The following PPP6R3 variants were observed in gnomAD, a reference collection of about 807,000 sequenced individuals.
The protein encoded by PPP6R3 is protein phosphatase 6 regulatory subunit 3.
A neutral mutation model predicts 110.7 loss-of-function variants in PPP6R3; 38 were observed. The ratio of observed to expected loss-of-function variants is 0.34; its 90% confidence interval spans 0.26 to 0.45. The LOEUF is 0.45. Ranked by LOEUF, PPP6R3 falls within the 20% of genes least tolerant of loss-of-function variation. The pLI is 1.00. For synonymous variants in PPP6R3, 369 were observed against 373.5 expected, an observed-to-expected ratio of 0.99 and a Z score of 0.14; for missense variants, 870 against 1,062.4, an observed-to-expected ratio of 0.82 and a Z score of 2.52.
Position 68,554,158 on chromosome 11 carries a change from C to G in PPP6R3, c.632C>G (p.Ala211Gly). Reference protein sequence around the residue: ...PSQEEDRHSNASQSLCEIVRL... With the variant: ...PSQEEDRHSNGSQSLCEIVRL... ...TTTTTCCTTTAGCGACATTCAAATG[C>G]ATCACAATCACTTTGTGAAATTGTT... The change falls in exon 7 of 24, where the codon GCA becomes GGA. Residue 211 changes from alanine to glycine, a missense_variant. Coordinates refer to ENST00000393800, the MANE Select transcript of PPP6R3 (RefSeq NM_001164161.2). The G allele has an allele frequency of 4.3e-6, 7 of 1,611,016 alleles. No individual in the cohort carries two copies. Among genetic ancestry groups the G allele is most frequent in the Non-Finnish European group, 5.9e-6 (7 of 1,178,426 alleles).
chr11:68,571,202 C>A, intron 12 of PPP6R3, 98 bp downstream of exon 12: 1 of 1,416,214 alleles, frequency 7.1e-7, no homozygotes. Flanking sequence ...GAAATAATTA[C>A]ATGATACTGG....
At position 68,539,095 on chromosome 11, in the gene PPP6R3, C is replaced by T. The variant is rs190196159; in HGVS notation, c.227+1204C>T. Among the ~76,000 whole-genome samples the T allele has an allele frequency of 1.5e-4, 23 of 152,346 alleles. No homozygotes were observed. The East Asian group carries it at 2.1e-3, about 14-fold the overall frequency. On this transcript the variant is annotated intron_variant, in intron 3 of 23. Coordinates refer to ENST00000393800, the MANE Select transcript of PPP6R3 (RefSeq NM_001164161.2). ...GTGCTGTCATCCCCCAAATGATAGA[C>T]ACTTTGCTACTTGGAATTCCCTTCA... is the stretch of plus-strand genomic sequence containing the variant.
intron 23 of PPP6R3, among the ~76,000 whole-genome samples, chr11:68,611,633 A>G (rs1483516525): frequency 1.3e-5 from 2 of 152,150 alleles, no homozygotes; most frequent in East Asian, 1.9e-4. Flanking sequence ...ATAAAGCTGC[A>G]GCACACGGAC....
intron 18 of PPP6R3, among the ~76,000 whole-genome samples, chr11:68,594,322 AAGAGAG>A (rs535164223): frequency 8.0e-6 from 1 of 125,526 alleles, no homozygotes; most frequent in East Asian, 2.2e-4. Flanking sequence ...GAGAGAGAAA[AAGAGAG>A]AGAGAGTGAG....
chr11:68,553,768 G>A (rs1178636100), intron 6 of PPP6R3, among the ~76,000 whole-genome samples: 1 of 151,984 alleles, frequency 6.6e-6, no homozygotes, highest in Non-Finnish European at 1.5e-5. Flanking sequence ...ATACTGGTTG[G>A]GCATCCTGGA....
At chr11:68,493,532 A>G (rs1215567474) in intron 1 of PPP6R3, among the ~76,000 whole-genome samples, 1 of 150,826 alleles carries the variant, frequency 6.6e-6, no homozygotes, top group Non-Finnish European at 1.5e-5. Flanking sequence ...CCTGGGTTCA[A>G]AGTGATCCTC....
chr11:68,481,488 G>C (rs1211279148), intron 1 of PPP6R3, among the ~76,000 whole-genome samples: 1 of 152,240 alleles, frequency 6.6e-6, no homozygotes, highest in Non-Finnish European at 1.5e-5. Flanking sequence ...AAACTTCAAA[G>C]AGCCAAGCTT....
intron 15 of PPP6R3, among the ~76,000 whole-genome samples, chr11:68,585,790 A>G (rs1181985072): frequency 6.6e-6 from 1 of 152,198 alleles, no homozygotes; most frequent in African/African-American, 2.4e-5. Flanking sequence ...ATCTCTCCAG[A>G]TGGATGAATA....
chr11:68,605,639 A>G (rs1322840184), intron 22 of PPP6R3, among the ~76,000 whole-genome samples: 2 of 152,222 alleles, frequency 1.3e-5, no homozygotes, highest in African/African-American at 2.4e-5. Flanking sequence ...GGTAAGTTTG[A>G]CTTTAATTTC....
chr11:68,464,119 A>C (rs534658338), intron 1 of PPP6R3, among the ~76,000 whole-genome samples: 1 of 152,320 alleles, frequency 6.6e-6, no homozygotes, highest in South Asian at 2.1e-4. Flanking sequence ...ACCTCTGGAA[A>C]TGGTGGGATT....
intron 1 of PPP6R3, among the ~76,000 whole-genome samples, chr11:68,475,867 G>A (rs1310655576): frequency 3.3e-5 from 5 of 151,572 alleles, no homozygotes; most frequent in African/African-American, 4.9e-5. Flanking sequence ...AGATGGGATC[G>A]CGGACGGGCA....
chr11:68,587,953 A>G lies in PPP6R3; in HGVS notation c.1659A>G (p.Gln553=), dbSNP rs777016130. 3.1e-6 allele frequency: 5 copies of G among 1,614,080 alleles called. No homozygotes were observed. The African/African-American group carries it at 4.0e-5, about 13-fold the overall frequency. ...CCTTTTCTGATTATCAGATGCAACAAATGACGTCCAATTTTATTGACCAGT... is the reference window on the plus strand; with the variant it reads ...CCTTTTCTGATTATCAGATGCAACAGATGACGTCCAATTTTATTGACCAGT... ...QQAFSDYQMQ[Q]MTSNFIDQFG... Residue 553 remains glutamine (Q), a synonymous_variant, in exon 16 of 24, where the codon CAA becomes CAG. Coordinates refer to ENST00000393800, the MANE Select transcript of PPP6R3 (RefSeq NM_001164161.2).
chr11:68,466,461 C>T (rs950699149), intron 1 of PPP6R3, among the ~76,000 whole-genome samples: 6 of 133,400 alleles, frequency 4.5e-5, no homozygotes, highest in Non-Finnish European at 9.2e-5. Context: ...TTTGTTGAGA[C>T]GGAGTCTCGC....
intron 1 of PPP6R3, among the ~76,000 whole-genome samples, chr11:68,494,765 C>A (rs2099006011): frequency 6.6e-6 from 1 of 152,044 alleles, no homozygotes; most frequent in Non-Finnish European, 1.5e-5. Context: ...TTGTTTTAAT[C>A]TCTGTACTTC....
At position 68,536,295 on chromosome 11, in the gene PPP6R3, G is replaced by GT. The variant is rs144369136; in HGVS notation, c.-6-1357dup. On this transcript the variant is annotated intron_variant, in intron 2 of 23. Coordinates refer to ENST00000393800, the MANE Select transcript of PPP6R3 (RefSeq NM_001164161.2). The stretch of plus-strand genomic sequence containing the variant: ...TGTTTTGTTTTTTTCTTTGTTTTTT[G>GT]TTTTTTTGTGGAAACAGGGTCCTCA... 2.7e-3 allele frequency among the ~76,000 whole-genome samples: 404 copies of GT among 150,944 alleles called. 10 individuals are homozygous for GT. In the East Asian group the frequency reaches 0.057, roughly 21 times the overall value.
intron 3 of PPP6R3, among the ~76,000 whole-genome samples, chr11:68,543,656 G>T (rs2099330636): frequency 6.6e-6 from 1 of 152,196 alleles, no homozygotes; most frequent in Admixed American, 6.5e-5. Flanking sequence ...GCCACGTTTG[G>T]CTATTTTGCC....
chr11:68,510,054 C>CTTTTTTTTTTTTTTTT, intron 1 of PPP6R3, among the ~76,000 whole-genome samples: 1 of 76,968 alleles, frequency 1.3e-5, no homozygotes, highest in Non-Finnish European at 2.2e-5. Context: ...TGTGCTCGGC[C>CTTTTTTTTTTTTTTTT]TTTTTTTTTT....
At position 68,548,103 on chromosome 11, in the gene PPP6R3, G is replaced by T. The variant is rs746840478; in HGVS notation, c.451G>T (p.Asp151Tyr). 1.9e-6 allele frequency: 3 copies of T among 1,613,732 alleles called. No homozygotes were observed. The part of the protein sequence containing the change: ...DFLKKKHDFV[D>Y]LIIKHIGTSA... ...CTTAAAGAAGAAGCATGATTTTGTA[G>T]ACCTTATTATAAAGCACATAGGAAC... is the stretch of plus-strand genomic sequence containing the variant. The change falls in exon 5 of 24, where the codon GAC (aspartate) becomes TAC (tyrosine). Residue 151 changes from aspartate (D) to tyrosine (Y), a missense_variant. By Grantham distance (160) the Asp-to-Tyr change is radical (BLOSUM62 -3). Transcript: ENST00000393800.
chr11:68,586,666 C>G (rs1053343111), intron 15 of PPP6R3: 4 of 152,164 alleles, frequency 2.6e-5, no homozygotes, highest in Admixed American at 2.6e-4. Context: ...ACATATAGAG[C>G]TTTTCTTCAG....
Sources: allele counts gnomAD v4.1 joint callset (sites outside exome capture counted in the v4.1 genomes callset), GRCh38; gene constraint gnomAD v4.1.1; transcripts MANE v1.5; gene names NCBI Gene and HGNC (gene_info 2026-07-23, HGNC 2026-07-21).